The following DGKI variants were observed in gnomAD, a reference collection of about 807,000 sequenced individuals.
DGKI encodes the protein diacylglycerol kinase iota, also known as DAG kinase iota.
DGKI carries 55 observed loss-of-function variants against 147.5 expected under a neutral mutation model. The observed-to-expected ratio is 0.37, with a 90% CI of 0.30 to 0.47. The LOEUF is 0.47. Among genes scored for constraint, DGKI ranks in the 20% least tolerant of loss-of-function variants. The probability of loss-of-function intolerance (pLI) is 1.00; values close to 1 mark genes in which losing one functional copy is unlikely to be tolerated. For synonymous variants in DGKI, 469 were observed against 477.1 expected (o/e 0.98, Z 0.22); for missense variants, 1,007 against 1,323.8 (o/e 0.76, Z 3.71).
intron 19 of DGKI, among the ~76,000 whole-genome samples, chr7:137,568,395 C>T (rs965854749): frequency 6.6e-6 from 1 of 152,208 alleles, no homozygotes; most frequent in Admixed American, 6.5e-5. Context: ...GGACTGGCCA[C>T]CCACAGTGGA....
chr7:137,445,998 A>G (rs1389841787), intron 27 of DGKI, among the ~76,000 whole-genome samples: 1 of 152,230 alleles, frequency 6.6e-6, no homozygotes, highest in African/African-American at 2.4e-5. Context: ...AGGTCATACT[A>G]GAATCAGCCA....
At chr7:137,395,331 C>T (rs1271057249) in intron 32 of DGKI, among the ~76,000 whole-genome samples, 2 of 152,202 alleles carry the variant, frequency 1.3e-5, no homozygotes, top group Non-Finnish European at 2.9e-5. Flanking sequence ...TGGCTGCTAG[C>T]GCTCAGCAGG....
Position 137,454,583 on chromosome 7 carries a change from A to ATGT in DGKI, c.2735+8905_2735+8906insACA, listed in dbSNP as rs1197828430. On this transcript the variant is annotated intron_variant, in intron 27 of 32. Coordinates refer to ENST00000614521, the MANE Select transcript of DGKI (RefSeq NM_001321708.2). The stretch of plus-strand genomic sequence containing the variant: ...CATCACATTTTAGCATTCTGTAGAC[A>ATGT]AAATGAAAAAAGAAATAATTAAACC... 1.9e-3 allele frequency among the ~76,000 whole-genome samples: 296 copies of ATGT among 152,356 alleles called. 1 individual carries two copies. Among genetic ancestry groups the ATGT allele is most frequent in the African/African-American group, 6.7e-3 (280 of 41,590 alleles).
intron 1 of DGKI, among the ~76,000 whole-genome samples, chr7:137,789,968 T>C (rs1394398627): frequency 6.6e-6 from 1 of 152,188 alleles, no homozygotes; most frequent in African/African-American, 2.4e-5. Flanking sequence ...GATATGTTAA[T>C]CTATAGCAAG....
At chr7:137,423,795 A>G (rs1585099740) in intron 28 of DGKI, among the ~76,000 whole-genome samples, 1 of 152,384 alleles carries the variant, frequency 6.6e-6, no homozygotes, top group South Asian at 2.1e-4. Flanking sequence ...AAAGTGTACA[A>G]TTAAAAAATA....
intron 1 of DGKI, among the ~76,000 whole-genome samples, chr7:137,753,451 C>T (rs1319911131): frequency 1.3e-5 from 2 of 152,174 alleles, no homozygotes; most frequent in Non-Finnish European, 2.9e-5. Flanking sequence ...TTTCAGGGCA[C>T]AGCCGCTCTA....
At chr7:137,446,436 CACT>C (rs1813718048) in intron 27 of DGKI, among the ~76,000 whole-genome samples, 1 of 152,184 alleles carries the variant, frequency 6.6e-6, no homozygotes, top group Non-Finnish European at 1.5e-5. Context: ...TACTGCACTG[CACT>C]ACTGAGACAT....
Position 137,696,322 on chromosome 7 carries a change from A to G in DGKI, c.402-6320T>C, listed in dbSNP as rs767536712. 2.0e-5 allele frequency among the ~76,000 whole-genome samples: 3 copies of G among 151,492 alleles called. No individual in the cohort carries two copies. The Admixed American group carries it at 2.0e-4, about 10-fold the overall frequency. On this transcript the variant is annotated intron_variant, in intron 1 of 32. Coordinates refer to ENST00000614521, the MANE Select transcript of DGKI (RefSeq NM_001321708.2). ...AATACAAAATCAGAAAGCACCGCACACTTTCCTCAGACAGATTTACCATCA... is the reference window on the plus strand; with the variant it reads ...AATACAAAATCAGAAAGCACCGCACGCTTTCCTCAGACAGATTTACCATCA...
chr7:137,820,167 G>GA (rs1265016198), intron 1 of DGKI, among the ~76,000 whole-genome samples: 3 of 152,026 alleles, frequency 2.0e-5, no homozygotes, highest in South Asian at 2.1e-4. Flanking sequence ...TAAAAAGTTA[G>GA]AAAAAATGAG....
rs377495323 is a variant in DGKI at position 137,678,611 on chromosome 7, G to A, written c.552C>T (p.Asn184=). 39 of 1,613,968 alleles carry A rather than the reference G, an allele frequency of 2.4e-5. No homozygotes were observed. Among genetic ancestry groups the A allele is most frequent in the East Asian group, 1.1e-4 (5 of 44,878 alleles). Residue 184 remains asparagine (N), a synonymous_variant, in exon 3 of 33, where the codon AAC becomes AAT. Transcript: ENST00000614521. ...CAAGGTAGCAGAGGTCTCCCGAGACGTTGGTCTCCAGCCACAGGTGTTCTC... is the reference window on the plus strand; with the variant it reads ...CAAGGTAGCAGAGGTCTCCCGAGACATTGGTCTCCAGCCACAGGTGTTCTC... ...VNGEHLWLET[N]VSGDLCYLGE...
intron 23 of DGKI, 146 bp from the exon 24 acceptor site, chr7:137,469,765 G>A (rs1043528182): frequency 1.8e-6 from 1 of 540,596 alleles, no homozygotes; most frequent in Non-Finnish European, 3.1e-6. Context: ...ACAAAGAAGG[G>A]CTCTTTTTTG....
intron 27 of DGKI, 105 bp from the exon 28 acceptor site, chr7:137,444,207 G>T: frequency 1.5e-6 from 1 of 687,756 alleles, no homozygotes; most frequent in Non-Finnish European, 2.4e-6. Flanking sequence ...TAAATGGAAA[G>T]TCAATATAGT....
chr7:137,530,697 C>G (rs528302594), intron 20 of DGKI, among the ~76,000 whole-genome samples: 1 of 152,126 alleles, frequency 6.6e-6, no homozygotes, highest in Non-Finnish European at 1.5e-5. Flanking sequence ...TGACTACATT[C>G]TTCATCACAC....
At position 137,658,684 on chromosome 7, in the gene DGKI, G is replaced by A. The variant is rs368434661; in HGVS notation, c.607-2144C>T. On this transcript the variant is annotated intron_variant, in intron 3 of 32. Coordinates refer to ENST00000614521, the MANE Select transcript of DGKI (RefSeq NM_001321708.2). ...GTCACTGAAGATGGAAGGAAGATGC[G>A]GAGAAAACTCAGGAAGCCTCATGCA... Among the ~76,000 whole-genome samples, 2 of 152,140 alleles carry A rather than the reference G, an allele frequency of 1.3e-5. 1 individual carries two copies. Among genetic ancestry groups the A allele is most frequent in the South Asian group, 4.1e-4 (2 of 4,830 alleles).
Position 137,484,511 on chromosome 7 carries a change from G to C in DGKI, c.2373+863C>G, listed in dbSNP as rs575816355. Among the ~76,000 whole-genome samples the C allele has an allele frequency of 6.6e-5, 10 of 152,182 alleles. No individual in the cohort carries two copies. The East Asian group carries it at 1.5e-3, about 24-fold the overall frequency. On this transcript the variant is annotated intron_variant, in intron 23 of 32. Transcript: ENST00000614521. ...CATACCTTTCCTCTTAACAGGGCAG[G>C]GTAAGGAGCCTTCAGATAAAAGGGC...
intron 23 of DGKI, among the ~76,000 whole-genome samples, chr7:137,480,329 C>T (rs1815329205): frequency 6.6e-6 from 1 of 152,168 alleles, no homozygotes; most frequent in Admixed American, 6.5e-5. Context: ...CCTTGTCCCA[C>T]TCTATCTATT....
chr7:137,714,451 C>A (rs766330085), intron 1 of DGKI, among the ~76,000 whole-genome samples: 1 of 151,186 alleles, frequency 6.6e-6, no homozygotes, highest in Non-Finnish European at 1.5e-5. Flanking sequence ...AGATGTTTAC[C>A]CTAAATAGAG....
At chr7:137,779,253 A>G (rs935536185) in intron 1 of DGKI, among the ~76,000 whole-genome samples, 3 of 151,700 alleles carry the variant, frequency 2.0e-5, no homozygotes, top group Non-Finnish European at 4.4e-5. Flanking sequence ...AATTTCAACA[A>G]ATTATGCTGG....
At chr7:137,638,640 A>ATACACACATATACATGTATATG (rs1563126060) in intron 6 of DGKI, among the ~76,000 whole-genome samples, 1 of 40,282 alleles carries the variant, frequency 2.5e-5, no homozygotes, top group Admixed American at 3.2e-4. Context: ...GTGTGTATAT[A>ATACACACATATACATGTATATG]TGTGTATGTA....
Sources: allele counts gnomAD v4.1 joint callset (sites outside exome capture counted in the v4.1 genomes callset), GRCh38; gene constraint gnomAD v4.1.1; transcripts MANE v1.5; gene names NCBI Gene and HGNC (gene_info 2026-07-23, HGNC 2026-07-21).